The following SLC10A7 variants were observed in gnomAD, a reference collection of about 807,000 sequenced individuals.
The protein encoded by SLC10A7 is solute carrier family 10 member 7, also known as sodium/bile acid cotransporter 7.
Under a neutral mutation model 43.2 loss-of-function variants are expected in SLC10A7, and 29 were observed. The ratio of observed to expected loss-of-function variants is 0.67; its 90% CI spans 0.50 to 0.92. The LOEUF is 0.92. Among genes scored for constraint, SLC10A7 ranks in the 40% least tolerant of loss-of-function variants. The pLI is 0.00. For synonymous variants in SLC10A7, 152 were observed against 144.8 expected, an observed-to-expected ratio of 1.05 and a Z score of -0.35; for missense variants, 295 against 403.2, an observed-to-expected ratio of 0.73 and a Z score of 2.30.
chr4:146,468,473 A>ATTTTTTTTTTTTTTTTTTTTTTTT, intron 4 of SLC10A7, among the ~76,000 whole-genome samples: 1 of 143,582 alleles, frequency 7.0e-6, no homozygotes, highest in East Asian at 2.1e-4. Flanking sequence ...TTATATTTTA[A>ATTTTTTTTTTTTTTTTTTTTTTTT]TTTTTTTTTT....
intron 5 of SLC10A7, among the ~76,000 whole-genome samples, chr4:146,397,628 AATTGC>A (rs1738928297): frequency 6.6e-6 from 1 of 152,172 alleles, no homozygotes; most frequent in Admixed American, 6.5e-5. Flanking sequence ...GTGAACTTTA[AATTGC>A]AGAGTGAGAT....
chr4:146,305,921 C>T lies in SLC10A7; in HGVS notation c.555+5G>A. ...GAAAAGATCAGATAGAATTGGAGGC[C>T]TTACCTGTCCAATGATGAGAGGAAC... On this transcript the variant is annotated splice_donor_5th_base_variant and intron_variant, in intron 7 of 11. Coordinates refer to ENST00000335472, the MANE Select transcript of SLC10A7 (RefSeq NM_001029998.6). The T allele has an allele frequency of 6.2e-7, 1 of 1,600,786 alleles. No homozygotes were observed. Among genetic ancestry groups the T allele is most frequent in the East Asian group, 2.3e-5 (1 of 44,300 alleles).
intron 5 of SLC10A7, among the ~76,000 whole-genome samples, chr4:146,354,589 T>C (rs1019971684): frequency 6.7e-6 from 1 of 148,992 alleles, no homozygotes; most frequent in East Asian, 2.0e-4. Flanking sequence ...AAGTCAATCC[T>C]AAGCCAAAAG....
chr4:146,517,217 C>G (rs1579399350), intron 1 of SLC10A7, 97 bp from the exon 2 acceptor site: 1 of 957,068 alleles, frequency 1.0e-6, no homozygotes, highest in Admixed American at 2.3e-5. Context: ...AATCCCAGCA[C>G]TTTGGGAGGC....
Position 146,503,860 on chromosome 4 carries a change from C to A in SLC10A7, c.385G>T (p.Gly129Cys). The change falls in exon 4 of 12, where the codon GGT becomes TGT. Residue 129 changes from glycine (G) to cysteine (C), a missense_variant. Physicochemically the swap from Gly to Cys is radical, Grantham distance 159 (BLOSUM62 -3). This residue lies in a region of SLC10A7 where 242 missense variants were observed against 362.5 expected (regional missense o/e 0.67). Transcript: ENST00000335472. ...SSAVILTKAV[G>C]GNEAAAIFNS... ...GCCCCATGACTCACCTCATTTCCAC[C>A]AACTGCCTTGGTTAAAATCACTGCA... is the stretch of plus-strand genomic sequence containing the variant. 1 of 1,614,064 alleles carries A rather than the reference C, an allele frequency of 6.2e-7. No individual in the cohort carries two copies. The highest frequency in any genetic ancestry group is 8.5e-7 in the Non-Finnish European group (1 of 1,179,964).
chr4:146,503,804 G>A, intron 4 of SLC10A7, 45 bp downstream of exon 4: 1 of 1,540,084 alleles, frequency 6.5e-7, no homozygotes, highest in Non-Finnish European at 8.9e-7. Flanking sequence ...TGAAATAAAA[G>A]CACAGCATGC....
intron 5 of SLC10A7, among the ~76,000 whole-genome samples, chr4:146,416,496 T>C (rs1728575178): frequency 1.3e-5 from 2 of 152,166 alleles, no homozygotes; most frequent in South Asian, 4.1e-4. Context: ...TGCTAGGATA[T>C]CAATGAGCCT....
chr4:146,272,721 C>T (rs184485561), intron 10 of SLC10A7, among the ~76,000 whole-genome samples: 345 of 152,280 alleles, frequency 2.3e-3, no homozygotes, highest in African/African-American at 7.7e-3. Context: ...AGTGGATGGG[C>T]TCTCCTGGGT....
intron 4 of SLC10A7, among the ~76,000 whole-genome samples, chr4:146,450,500 A>G (rs1342509027): frequency 1.3e-5 from 2 of 152,192 alleles, no homozygotes; most frequent in African/African-American, 4.8e-5. Context: ...TCAAAGCCAG[A>G]GTAGTAAAGC....
chr4:146,502,507 T>C (rs942179879), intron 4 of SLC10A7, among the ~76,000 whole-genome samples: 8 of 152,168 alleles, frequency 5.3e-5, no homozygotes. Context: ...CTGGATGATA[T>C]ACCCATTCCA....
chr4:146,273,951 T>C (rs559674974), intron 10 of SLC10A7, among the ~76,000 whole-genome samples: 1 of 152,274 alleles, frequency 6.6e-6, no homozygotes, highest in African/African-American at 2.4e-5. Flanking sequence ...CTGTTCTTTG[T>C]TTTAAAAAAA....
At chr4:146,283,152 T>C in intron 10 of SLC10A7, 40 bp downstream of exon 10, 6 of 1,458,608 alleles carry the variant, frequency 4.1e-6, no homozygotes, top group Non-Finnish European at 5.8e-6. Context: ...TGTAACTATA[T>C]GAGGGTAATA....
chr4:146,297,804 C>CA (rs1230367663), intron 7 of SLC10A7, among the ~76,000 whole-genome samples: 2 of 151,866 alleles, frequency 1.3e-5, no homozygotes, highest in South Asian at 2.1e-4. Flanking sequence ...AAACACTTGG[C>CA]AAAAAAACAT....
At chr4:146,352,478 G>A (rs1735199138) in intron 5 of SLC10A7, among the ~76,000 whole-genome samples, 1 of 145,508 alleles carries the variant, frequency 6.9e-6, no homozygotes, top group South Asian at 2.3e-4. Flanking sequence ...ACAGATCAAC[G>A]AGACAGAAAG....
chr4:146,286,137 T>TTGGTGAGAAGGACTGAGTTTGGAG, intron 9 of SLC10A7, among the ~76,000 whole-genome samples: 1 of 58,380 alleles, frequency 1.7e-5, no homozygotes, highest in African/African-American at 6.8e-5. Flanking sequence ...TGTGTTTGGA[T>TTGGTGAGAAGGACTGAGTTTGGAG]TGGTGAGAAG....
At position 146,302,841 on chromosome 4, in the gene SLC10A7, C is replaced by T. The variant is rs1200648976; in HGVS notation, c.555+3085G>A. Among the ~76,000 whole-genome samples the T allele has an allele frequency of 2.0e-5, 3 of 151,974 alleles. No individual in the cohort carries two copies. The East Asian group carries it at 5.8e-4, about 29-fold the overall frequency. ...TATTCTTAAAGTGCTTTTAAATCCC[C>T]CATTTTATGCTAAATTTAGTCCCTT... On this transcript the variant is annotated intron_variant, in intron 7 of 11. Transcript: ENST00000335472.
intron 10 of SLC10A7, among the ~76,000 whole-genome samples, chr4:146,274,234 C>T (rs2111069131): frequency 7.2e-6 from 1 of 138,026 alleles, no homozygotes; most frequent in African/African-American, 2.7e-5. Flanking sequence ...GACGGAGTCT[C>T]ACTCTGTCAC....
chr4:146,517,171 T>C, intron 1 of SLC10A7, 51 bp from the exon 2 acceptor site: 2 of 1,449,214 alleles, frequency 1.4e-6, no homozygotes, highest in South Asian at 1.2e-5. Context: ...AGTAGATAAC[T>C]TGGCACAAAA....
chr4:146,444,826 C>T (rs4835307), intron 4 of SLC10A7, among the ~76,000 whole-genome samples: 123,090 of 152,068 alleles, frequency 0.81, 50,366 homozygotes, highest in South Asian at 0.91. Context: ...TTCTGGGTAC[C>T]CTGAAGACCA....
Sources: gnomAD v4.1 joint callset for allele counts (sites outside exome capture counted in the v4.1 genomes callset) on GRCh38, gnomAD v4.1.1 for gene constraint, gnomAD v4.1.1 regional missense constraint, MANE v1.5 for transcripts, NCBI Gene and HGNC (gene_info 2026-07-23, HGNC 2026-07-21) for gene names.